TENM2: variants seen among roughly 807,000 people sequenced by gnomAD.
The protein encoded by TENM2 is teneurin transmembrane protein 2.
Under a neutral mutation model 245.2 loss-of-function variants are expected in TENM2, and 52 were observed. That is an observed-to-expected ratio of 0.21 (90% CI 0.17 to 0.27). TENM2 has a LOEUF of 0.27. TENM2 is among the 10% of genes least tolerant of loss of function. The probability of loss-of-function intolerance (pLI) is 1.00; values close to 1 mark genes in which losing one functional copy is unlikely to be tolerated. For missense variants in TENM2, 3,046 were observed against 3,666.8 expected (o/e 0.83, Z 4.37); for synonymous variants, 1,363 against 1,438.9 (o/e 0.95, Z 1.19).
chr5:167,432,757 C>T (rs1304843542), intron 2 of TENM2, among the ~76,000 whole-genome samples: 7 of 152,044 alleles, frequency 4.6e-5, no homozygotes, highest in Non-Finnish European at 1.0e-4. Flanking sequence ...TCCCTCATTT[C>T]CACCGCACAT....
At chr5:167,128,392 C>T in the TENM2 span, among the ~76,000 whole-genome samples, 6 of 152,100 alleles carry the variant, frequency 3.9e-5, no homozygotes, top group African/African-American at 4.8e-5. Context: ...GATTGTGCAT[C>T]AGAAACGCCC....
intron 2 of TENM2, among the ~76,000 whole-genome samples, chr5:167,872,548 G>GAAAGAAAA (rs1313191288): frequency 1.7e-4 from 11 of 65,438 alleles, no homozygotes; most frequent in African/African-American, 4.4e-4. Context: ...AAGAAAGAAA[G>GAAAGAAAA]AGAAAGAAAG....
At chr5:167,538,708 T>C (rs926253328) in intron 2 of TENM2, among the ~76,000 whole-genome samples, 8 of 152,278 alleles carry the variant, frequency 5.3e-5, no homozygotes, top group African/African-American at 1.9e-4. Context: ...ATGGATAAAT[T>C]GTCATAGATG....
chr5:167,900,444 G>A (rs1775611981), intron 3 of TENM2, among the ~76,000 whole-genome samples: 1 of 152,158 alleles, frequency 6.6e-6, no homozygotes, highest in Non-Finnish European at 1.5e-5. Flanking sequence ...CTTGGCATGA[G>A]GACCTCTCTG....
In TENM2 at chr5:167,709,253, G is replaced by A. The variant is rs139199016; in HGVS notation, c.503-166733G>A. 5.3e-5 allele frequency among the ~76,000 whole-genome samples: 8 copies of A among 152,058 alleles called. No homozygotes were observed. The East Asian group carries it at 9.7e-4, about 18-fold the overall frequency. ...CACTGCGTGGTCTTCTCTTATCCCC[G>A]GGTTATTTGATCTTTTACTCTAATT... On this transcript the variant is annotated intron_variant, in intron 2 of 28. Coordinates refer to ENST00000518659, the Ensembl canonical transcript of TENM2.
At chr5:167,999,456 C>A (rs188326400) in intron 5 of TENM2, among the ~76,000 whole-genome samples, 1 of 152,330 alleles carries the variant, frequency 6.6e-6, no homozygotes, top group East Asian at 1.9e-4. Context: ...ACTGGTGAGT[C>A]TTTGGCAGGG....
At chr5:167,550,194 TG>T (rs757341558) in intron 2 of TENM2, among the ~76,000 whole-genome samples, 2 of 152,336 alleles carry the variant, frequency 1.3e-5, no homozygotes, top group Non-Finnish European at 2.9e-5. Flanking sequence ...TTCTGTGTAA[TG>T]GGTTACTTAA....
the TENM2 span, among the ~76,000 whole-genome samples, chr5:167,098,534 C>A: frequency 6.6e-6 from 1 of 152,056 alleles, no homozygotes; most frequent in Non-Finnish European, 1.5e-5. Context: ...TCTCTTGCAG[C>A]GCTTGTCATT....
At chr5:167,611,965 T>C (rs568437285) in intron 2 of TENM2, among the ~76,000 whole-genome samples, 2 of 152,268 alleles carry the variant, frequency 1.3e-5, no homozygotes, top group African/African-American at 4.8e-5. Flanking sequence ...ACATTTTATA[T>C]CATGTTCCAA....
intron 2 of TENM2, among the ~76,000 whole-genome samples, chr5:167,445,326 T>TAGAGAGAGAGAGAGAGAGAGAG (rs1394963206): frequency 3.0e-5 from 1 of 32,892 alleles, no homozygotes; most frequent in Non-Finnish European, 5.0e-5. Context: ...TATATATATA[T>TAGAGAGAGAGAGAGAGAGAGAG]ATATATATAT....
chr5:167,311,084 G>A (rs975162863), intron 1 of TENM2, among the ~76,000 whole-genome samples: 6 of 152,150 alleles, frequency 3.9e-5, no homozygotes, highest in African/African-American at 1.4e-4. Context: ...ATTAGCACTT[G>A]GCTTGGTCCA....
intron 5 of TENM2, among the ~76,000 whole-genome samples, chr5:168,046,243 T>G (rs10052693): frequency 0.042 from 6,378 of 152,220 alleles, 455 homozygotes; most frequent in African/African-American, 0.14. Context: ...CATTGTTAAT[T>G]GTGTTCCCTG....
rs550811839 is a variant in TENM2, at chr5:167,458,435, T to TGA, written c.502+82965_502+82966dup. Among the ~76,000 whole-genome samples, 370 of 131,360 alleles carry TGA rather than the reference T, an allele frequency of 2.8e-3. 3 individuals carry two copies. The highest frequency in any genetic ancestry group is 0.01 in the African/African-American group (351 of 34,942). The allele number at this position is 131,360 out of a possible 152,430, so 86.2% of individuals were successfully genotyped here. A position where few individuals can be genotyped will look rare whatever the true frequency, so the allele number is the denominator to read the frequency against. On this transcript the variant is annotated intron_variant, in intron 2 of 28. Transcript: ENST00000518659. ...CCGGGAGGCACAGGTTGCAGTGAAC[T>TGA]GAGATCATGCAACTGCACTCCAGCC...
chr5:167,842,398 G>A (rs543014092), intron 2 of TENM2, among the ~76,000 whole-genome samples: 1 of 152,080 alleles, frequency 6.6e-6, no homozygotes, highest in South Asian at 2.1e-4. Context: ...AGACCAGCCT[G>A]GCCAACTTGG....
At chr5:167,124,443 A>G in the TENM2 span, among the ~76,000 whole-genome samples, 1 of 152,226 alleles carries the variant, frequency 6.6e-6, no homozygotes, top group Non-Finnish European at 1.5e-5. Context: ...TATAAAATAC[A>G]ACCTTATATA....
At chr5:168,106,090 T>C (rs1013490289) in intron 9 of TENM2, among the ~76,000 whole-genome samples, 4 of 152,090 alleles carry the variant, frequency 2.6e-5, no homozygotes, top group African/African-American at 4.8e-5. Context: ...AGAGCCGTAG[T>C]TGTTAGGTAA....
At position 167,658,983 on chromosome 5, in the gene TENM2, A is replaced by G. The variant is rs573241311; in HGVS notation, c.503-217003A>G. Among the ~76,000 whole-genome samples, 7 of 152,356 alleles carry G rather than the reference A, an allele frequency of 4.6e-5. No individual in the cohort carries two copies. In the South Asian group the frequency reaches 6.2e-4, roughly 14 times the overall value. On this transcript the variant is annotated intron_variant, in intron 2 of 28. Coordinates refer to ENST00000518659, the Ensembl canonical transcript of TENM2. ...GTTAAATAAAGAATAAAGCCATTCT[A>G]TACATGCACAGGCAAACATTACACT...
rs926721436 is a variant in TENM2, at chr5:167,643,323, G to A, written c.503-232663G>A. ...TGTTTCCTGTCTCTATAAATTTGCC[G>A]TTTCTGGAATTTGCCGTTTCTGGAT... is the stretch of plus-strand genomic sequence containing the variant. On this transcript the variant is annotated intron_variant, in intron 2 of 28. Coordinates refer to ENST00000518659, the Ensembl canonical transcript of TENM2. Among the ~76,000 whole-genome samples, 10 of 152,012 alleles carry A rather than the reference G, an allele frequency of 6.6e-5. No homozygotes were observed. The South Asian group carries it at 1.0e-3, about 16-fold the overall frequency.
chr5:167,183,117 A>G, the TENM2 span, among the ~76,000 whole-genome samples: 4 of 152,188 alleles, frequency 2.6e-5, no homozygotes, highest in Middle Eastern at 3.4e-3. Context: ...GTTTCTCACC[A>G]TGGTTTTCTG....
Sources: gnomAD v4.1 joint callset for allele counts (sites outside exome capture counted in the v4.1 genomes callset) on GRCh38, gnomAD v4.1.1 for gene constraint, MANE v1.5 for transcripts, NCBI Gene and HGNC (gene_info 2026-07-23, HGNC 2026-07-21) for gene names.